SCARA5: variants seen among roughly 807,000 people sequenced by gnomAD.
The protein encoded by SCARA5 is scavenger receptor class A member 5.
SCARA5 carries 45 observed loss-of-function variants against 46.3 expected under a neutral mutation model. The ratio of observed to expected loss-of-function variants is 0.97; its 90% CI spans 0.76 to 1.24. The LOEUF is 1.24. Among genes scored for constraint, SCARA5 ranks in the 50% most tolerant of loss-of-function variants. The pLI is 0.00. For synonymous variants in SCARA5, 333 were observed against 306.5 expected (o/e 1.09, Z -0.90); for missense variants, 680 against 689.0 (o/e 0.99, Z 0.15).
intron 8 of SCARA5, among the ~76,000 whole-genome samples, chr8:27,875,703 C>A (rs938207148): frequency 3.3e-5 from 5 of 152,110 alleles, no homozygotes; most frequent in African/African-American, 9.7e-5. Context: ...GGAAATCCAG[C>A]TTGATTCTGA....
At chr8:27,903,035 T>C (rs1419788428) in intron 7 of SCARA5, among the ~76,000 whole-genome samples, 2 of 152,118 alleles carry the variant, frequency 1.3e-5, no homozygotes, top group Non-Finnish European at 2.9e-5. Flanking sequence ...TATTTGATCC[T>C]GAATCATGCC....
chr8:27,988,248 C>A (rs899616954), intron 1 of SCARA5, among the ~76,000 whole-genome samples: 1 of 152,168 alleles, frequency 6.6e-6, no homozygotes, highest in Non-Finnish European at 1.5e-5. Flanking sequence ...GCCCGAGGAG[C>A]AGGGAGCCTC....
intron 3 of SCARA5, among the ~76,000 whole-genome samples, chr8:27,940,760 GTCCATCCATCCA>G (rs60443615): frequency 2.4e-4 from 31 of 128,364 alleles, no homozygotes; most frequent in South Asian, 1.4e-3. Flanking sequence ...CCAACCATCT[GTCCATCCATCCA>G]TCCATCCATC....
chr8:27,986,507 C>G (rs1808707101), intron 2 of SCARA5, among the ~76,000 whole-genome samples: 1 of 152,096 alleles, frequency 6.6e-6, no homozygotes, highest in South Asian at 2.1e-4. Context: ...ATATGTTTGT[C>G]AATTGGAATC....
At chr8:27,939,332 T>C (rs1462770861) in intron 3 of SCARA5, among the ~76,000 whole-genome samples, 1 of 152,164 alleles carries the variant, frequency 6.6e-6, no homozygotes, top group Admixed American at 6.5e-5. Context: ...CCAGTGCAAG[T>C]GGCTGGGTCA....
At chr8:27,878,961 G>A (rs1456068546) in intron 8 of SCARA5, among the ~76,000 whole-genome samples, 5 of 152,150 alleles carry the variant, frequency 3.3e-5, no homozygotes, top group Admixed American at 3.3e-4. Flanking sequence ...GAGATTGCTA[G>A]TAGGCCCAGC....
chr8:27,964,861 G>T (rs989586683), intron 3 of SCARA5, among the ~76,000 whole-genome samples: 1 of 152,004 alleles, frequency 6.6e-6, no homozygotes, highest in African/African-American at 2.4e-5. Flanking sequence ...GAGCTTTTCT[G>T]TATCTGTCAC....
In SCARA5 at chr8:27,871,943, G is replaced by A. The variant is rs201219232; in HGVS notation, c.1479C>T (p.Asn493=). The change falls in exon 9 of 9, where the codon AAC becomes AAT. Residue 493 remains asparagine (N), a synonymous_variant. Transcript: ENST00000354914. ...GHAEDASVTC[N]RH ...TGGGCTCTGCCCACTTTCAGTGTCTGTTGCATGTCACGCTGGCATCTTCGG... is the reference window on the plus strand; with the variant it reads ...TGGGCTCTGCCCACTTTCAGTGTCTATTGCATGTCACGCTGGCATCTTCGG... The A allele has an allele frequency of 6.2e-7, 1 of 1,614,196 alleles. No homozygotes were observed. The highest frequency in any genetic ancestry group is 8.5e-7 in the Non-Finnish European group (1 of 1,180,048).
intron 3 of SCARA5, among the ~76,000 whole-genome samples, chr8:27,956,660 A>T (rs1232608285): frequency 6.6e-6 from 1 of 152,210 alleles, no homozygotes; most frequent in Non-Finnish European, 1.5e-5. Flanking sequence ...CTAGTTCTCA[A>T]GCTTCTGATC....
At chr8:27,940,601 C>A (rs1263050144) in intron 3 of SCARA5, among the ~76,000 whole-genome samples, 1 of 151,824 alleles carries the variant, frequency 6.6e-6, no homozygotes, top group African/African-American at 2.4e-5. Context: ...GAATTAGGTA[C>A]CCACTCACCC....
chr8:27,869,910 A>G lies in SCARA5; in HGVS notation c.*2024T>C, dbSNP rs1341566943. 1 of 152,234 alleles carries G rather than the reference A, an allele frequency of 6.6e-6. No individual in the cohort carries two copies. The highest frequency in any genetic ancestry group is 2.4e-5 in the African/African-American group (1 of 41,464). 9.4% of individuals were successfully genotyped at this position (152,234 alleles called of 1,614,324 possible). On this transcript the variant is annotated 3_prime_UTR_variant, in exon 9 of 9. Coordinates refer to ENST00000354914, the MANE Select transcript of SCARA5 (RefSeq NM_173833.6). ...GTGACATGTTTTTTGCTTTATTGAA[A>G]TTCTTTCTTACAAAAGGTCTGATGT...
intron 7 of SCARA5, among the ~76,000 whole-genome samples, chr8:27,882,361 T>G (rs1216210223): frequency 6.6e-6 from 1 of 152,262 alleles, no homozygotes; most frequent in Non-Finnish European, 1.5e-5. Context: ...AATATCCATG[T>G]GCAGGTTTTC....
chr8:27,936,295 A>G (rs773902722), intron 3 of SCARA5, among the ~76,000 whole-genome samples: 2 of 152,102 alleles, frequency 1.3e-5, no homozygotes, highest in Non-Finnish European at 2.9e-5. Flanking sequence ...GACCAGTAGG[A>G]CAAGGAGAGT....
chr8:27,990,609 G>A (rs1808774130), intron 1 of SCARA5, among the ~76,000 whole-genome samples: 2 of 152,208 alleles, frequency 1.3e-5, no homozygotes, highest in South Asian at 4.1e-4. Flanking sequence ...ACAGGGCACT[G>A]GCTCAGCTGC....
intron 8 of SCARA5, among the ~76,000 whole-genome samples, chr8:27,872,641 G>A (rs1806658395): frequency 6.6e-6 from 1 of 152,206 alleles, no homozygotes; most frequent in South Asian, 2.1e-4. Context: ...GATAGCTGTA[G>A]CTCTTACACA....
intron 3 of SCARA5, among the ~76,000 whole-genome samples, chr8:27,943,306 G>A (rs1807981005): frequency 6.6e-6 from 1 of 152,166 alleles, no homozygotes; most frequent in East Asian, 1.9e-4. Flanking sequence ...AACCAGGCAT[G>A]GTGGTGTGAG....
intron 3 of SCARA5, 115 bp downstream of exon 3, chr8:27,966,299 G>T: frequency 9.0e-7 from 1 of 1,107,876 alleles, no homozygotes; most frequent in Non-Finnish European, 1.3e-6. Context: ...TTCCTCTATG[G>T]TTTCCATGGT....
chr8:27,927,083 C>T (rs1459009903), intron 3 of SCARA5, among the ~76,000 whole-genome samples: 3 of 152,180 alleles, frequency 2.0e-5, no homozygotes, highest in Non-Finnish European at 2.9e-5. Context: ...ACACATCTGC[C>T]GAGGGCCAAG....
intron 8 of SCARA5, among the ~76,000 whole-genome samples, chr8:27,873,616 C>T (rs181858267): frequency 2.8e-3 from 420 of 150,988 alleles, no homozygotes; most frequent in Non-Finnish European, 4.0e-3. Context: ...TCCTATAAAA[C>T]GGCCCCACCC....
Sources: allele counts gnomAD v4.1 joint callset (sites outside exome capture counted in the v4.1 genomes callset), GRCh38; gene constraint gnomAD v4.1.1; transcripts MANE v1.5; gene names NCBI Gene and HGNC (gene_info 2026-07-23, HGNC 2026-07-21).